Variants in DHRS7B observed in about 807,000 individuals in gnomAD.
The protein encoded by DHRS7B is dehydrogenase/reductase 7B, also known as peroxisomal reductase activating PPAR-gamma.
In DHRS7B, 24 loss-of-function variants were observed where a neutral mutation model predicts 26.4. The observed-to-expected ratio is 0.91, with a 90% CI of 0.66 to 1.28. DHRS7B has a LOEUF of 1.28. Among genes scored for constraint, DHRS7B ranks in the 50% most tolerant of loss-of-function variants. DHRS7B has a pLI of 0.00. For synonymous variants in DHRS7B, 142 were observed against 166.4 expected, an observed-to-expected ratio of 0.85 and a Z score of 1.13; for missense variants, 368 against 419.4, an observed-to-expected ratio of 0.88 and a Z score of 1.07.
chr17:21,174,251 C>T (rs1567627079), intron 2 of DHRS7B, among the ~76,000 whole-genome samples: 1 of 152,230 alleles, frequency 6.6e-6, no homozygotes, highest in South Asian at 2.1e-4. Flanking sequence ...AGTTATGCAA[C>T]GAGTCTTCAG....
At chr17:21,176,550 A>G (rs541536441) in intron 2 of DHRS7B, among the ~76,000 whole-genome samples, 2 of 152,032 alleles carry the variant, frequency 1.3e-5, no homozygotes, top group African/African-American at 2.4e-5. Context: ...ACAGTGAACT[A>G]TAATTGTGCC....
chr17:21,169,447 G>A (rs1303334233), intron 1 of DHRS7B, among the ~76,000 whole-genome samples: 1 of 152,144 alleles, frequency 6.6e-6, no homozygotes, highest in Non-Finnish European at 1.5e-5. Context: ...AACAAACCCA[G>A]GAGGGAGGTC....
At chr17:21,186,482 C>G (rs1215448543) in intron 5 of DHRS7B, among the ~76,000 whole-genome samples, 1 of 152,248 alleles carries the variant, frequency 6.6e-6, no homozygotes, top group Admixed American at 6.5e-5. Context: ...CATCCACCCA[C>G]AGCCAACTCA....
intron 5 of DHRS7B, among the ~76,000 whole-genome samples, chr17:21,187,451 C>A (rs1974664753): frequency 6.6e-6 from 1 of 151,686 alleles, no homozygotes; most frequent in Non-Finnish European, 1.5e-5. Context: ...TAGTGAAACC[C>A]CGTCTCTACT....
rs1199383924 is a variant in DHRS7B at position 21,138,093 on chromosome 17, T to TACACACACACAC, written c.20+11103_20+11104insCACACACACACA. Among the ~76,000 whole-genome samples the TACACACACACAC allele has an allele frequency of 3.9e-3, 308 of 78,112 alleles. 1 individual carries two copies. Among genetic ancestry groups the TACACACACACAC allele is most frequent in the African/African-American group, 0.017 (276 of 16,350 alleles). 51.2% of individuals were successfully genotyped at this position (78,112 alleles called of 152,430 possible). A position where few individuals can be genotyped will look rare whatever the true frequency, so the allele number is the denominator to read the frequency against. ...AAAAAAAAATATATATATATATATA[T>TACACACACACAC]ATATATATACACACACACACACACA... On this transcript the variant is annotated intron_variant, in intron 1 of 6. Coordinates refer to ENST00000395511, the MANE Select transcript of DHRS7B (RefSeq NM_015510.5).
chr17:21,175,224 C>T (rs1356215992), intron 2 of DHRS7B, among the ~76,000 whole-genome samples: 1 of 152,228 alleles, frequency 6.6e-6, no homozygotes, highest in Non-Finnish European at 1.5e-5. Flanking sequence ...CCTCAGACCT[C>T]TCAGGACCCC....
At chr17:21,172,589 G>A (rs1023120997) in intron 2 of DHRS7B, 8 of 295,506 alleles carry the variant, frequency 2.7e-5, no homozygotes, top group African/African-American at 1.7e-4. Flanking sequence ...ACCTCTATGA[G>A]GACCAAATGA....
intron 1 of DHRS7B, among the ~76,000 whole-genome samples, chr17:21,146,476 A>AT (rs2143964061): frequency 6.6e-6 from 1 of 152,368 alleles, no homozygotes; most frequent in South Asian, 2.1e-4. Flanking sequence ...TATAAGGTAG[A>AT]TATTAGATAC....
chr17:21,137,967 C>T (rs1051189588), intron 1 of DHRS7B, among the ~76,000 whole-genome samples: 22 of 150,294 alleles, frequency 1.5e-4, no homozygotes, highest in African/African-American at 4.9e-4. Flanking sequence ...CTCCCGACCT[C>T]GTGATCTGCT....
chr17:21,163,202 A>AAC, intron 1 of DHRS7B, among the ~76,000 whole-genome samples: 1 of 151,964 alleles, frequency 6.6e-6, no homozygotes, highest in Middle Eastern at 3.4e-3. Context: ...TCAAAAAAAA[A>AAC]ACCAAAAAAA....
intron 4 of DHRS7B, 110 bp downstream of exon 4, chr17:21,183,920 T>C: frequency 1.1e-6 from 1 of 928,858 alleles, no homozygotes; most frequent in Non-Finnish European, 1.7e-6. Flanking sequence ...TCTGTTGCCC[T>C]GGAGTGGGTG....
At chr17:21,151,995 T>A (rs9635801) in intron 1 of DHRS7B, among the ~76,000 whole-genome samples, 6 of 151,990 alleles carry the variant, frequency 3.9e-5, no homozygotes, top group African/African-American at 7.2e-5. Flanking sequence ...TCGCTCCCAC[T>A]CTCAACTACT....
chr17:21,129,539 C>T (rs1973180662), intron 1 of DHRS7B, among the ~76,000 whole-genome samples: 1 of 151,490 alleles, frequency 6.6e-6, no homozygotes, highest in East Asian at 1.9e-4. Flanking sequence ...GACCCCATTT[C>T]TACAAAAAAT....
At chr17:21,161,087 G>C (rs1973989903) in intron 1 of DHRS7B, among the ~76,000 whole-genome samples, 1 of 152,202 alleles carries the variant, frequency 6.6e-6, no homozygotes, top group Non-Finnish European at 1.5e-5. Flanking sequence ...AGGATTTTTA[G>C]GGCAGTGAAA....
Position 21,188,703 on chromosome 17 carries a change from A to T in DHRS7B, c.620-8A>T. ...CTCAGTCACCTGCCTCTCCGTCCACATGTGTAGATGCAGCCTCCAAGCACG... is the reference window on the plus strand; with the variant it reads ...CTCAGTCACCTGCCTCTCCGTCCACTTGTGTAGATGCAGCCTCCAAGCACG... On this transcript the variant is annotated splice_region_variant and splice_polypyrimidine_tract_variant and intron_variant, in intron 5 of 6. Coordinates refer to ENST00000395511, the MANE Select transcript of DHRS7B (RefSeq NM_015510.5). 6.3e-7 allele frequency: 1 copy of T among 1,581,186 alleles called. No homozygotes were observed. The highest frequency in any genetic ancestry group is 8.6e-7 in the Non-Finnish European group (1 of 1,164,030).
At chr17:21,153,877 C>A (rs1973825305) in intron 1 of DHRS7B, among the ~76,000 whole-genome samples, 1 of 151,918 alleles carries the variant, frequency 6.6e-6, no homozygotes, top group Non-Finnish European at 1.5e-5. Context: ...CAAAAACATT[C>A]AAACCATAGC....
At chr17:21,166,527 A>C (rs1974117266) in intron 1 of DHRS7B, 1 of 894,074 alleles carries the variant, frequency 1.1e-6, no homozygotes, top group African/African-American at 2.4e-5. Context: ...GTGGCTTCTC[A>C]GACATTTGAG....
Position 21,167,921 on chromosome 17 carries a change from C to T in DHRS7B, c.21-4097C>T, listed in dbSNP as rs373374905. Among the ~76,000 whole-genome samples the T allele has an allele frequency of 3.3e-5, 5 of 152,306 alleles. No homozygotes were observed. In the East Asian group the frequency reaches 9.6e-4, roughly 29 times the overall value. On this transcript the variant is annotated intron_variant, in intron 1 of 6. Transcript: ENST00000395511. Reference sequence around the variant, plus strand: ...CCATTTTCAAAGAAAACAGGCCTCCCTTTGACCTTGCTTTATGTAGATTTA... The same window carrying T: ...CCATTTTCAAAGAAAACAGGCCTCCTTTTGACCTTGCTTTATGTAGATTTA...
intron 1 of DHRS7B, among the ~76,000 whole-genome samples, chr17:21,145,437 A>T (rs1973622164): frequency 6.6e-6 from 1 of 152,214 alleles, no homozygotes; most frequent in African/African-American, 2.4e-5. Context: ...ATGCAGGTTT[A>T]TGGGAAAATG....
Sources: gnomAD v4.1 joint callset for allele counts (sites outside exome capture counted in the v4.1 genomes callset) on GRCh38, gnomAD v4.1.1 for gene constraint, MANE v1.5 for transcripts, NCBI Gene and HGNC (gene_info 2026-07-23, HGNC 2026-07-21) for gene names.